The following TSPOAP1 variants were observed in gnomAD, a reference collection of about 807,000 sequenced individuals.
TSPOAP1 encodes the protein peripheral-type benzodiazepine receptor-associated protein 1.
Under a neutral mutation model 197.0 loss-of-function variants are expected in TSPOAP1, and 87 were observed. The ratio of observed to expected loss-of-function variants is 0.44; its 90% CI spans 0.37 to 0.53. TSPOAP1 has a LOEUF of 0.53. Ranked by LOEUF, TSPOAP1 falls within the 20% of genes least tolerant of loss-of-function variation. The probability of loss-of-function intolerance (pLI) is 0.00; values close to 1 mark genes in which losing one functional copy is unlikely to be tolerated. For missense variants in TSPOAP1, 2,174 were observed against 2,411.3 expected (o/e 0.90, Z 2.06); for synonymous variants, 913 against 998.9 (o/e 0.91, Z 1.62).
At position 58,322,433 on chromosome 17, in the gene TSPOAP1, C is replaced by A. The variant is rs1247137399; in HGVS notation, c.1318-21G>T. ...ATGTGCTGAAACACAAGATCTGAGT[C>A]AAGGCCAGAGCCCCTACTTGGCCAT... is the stretch of plus-strand genomic sequence containing the variant. On this transcript the variant is annotated intron_variant, in intron 9 of 31. Transcript: ENST00000343736. The surrounding 1 kb of genome is among the most constrained non-coding windows in gnomAD (Gnocchi z 5.0). The A allele has an allele frequency of 1.9e-6, 3 of 1,604,078 alleles. No homozygotes were observed. The South Asian group carries it at 3.3e-5, about 18-fold the overall frequency.
intron 29 of TSPOAP1, 87 bp from the exon 30 acceptor site, chr17:58,305,258 G>A (rs759915316): frequency 6.7e-7 from 1 of 1,486,416 alleles, no homozygotes; most frequent in Admixed American, 1.7e-5. Context: ...GAACAGCTGG[G>A]GCCAAAACCA....
At chr17:58,314,046 G>A (rs528280991) in intron 16 of TSPOAP1, among the ~76,000 whole-genome samples, 87 of 152,334 alleles carry the variant, frequency 5.7e-4, no homozygotes, top group Non-Finnish European at 6.9e-4. Context: ...CAGACAGCTG[G>A]TAGCTGGTGT....
Position 58,306,327 on chromosome 17 carries a change from T to G in TSPOAP1, c.5224+15A>C. On this transcript the variant is annotated intron_variant, in intron 26 of 31. Coordinates refer to ENST00000343736, the MANE Select transcript of TSPOAP1 (RefSeq NM_004758.4). ...CATCCTCCCAGCACCTGAGAGAGAA[T>G]GGGGTCTTACCCACCTTTCTTGGAG... 6.4e-6 allele frequency: 10 copies of G among 1,550,980 alleles called. No homozygotes were observed. Among genetic ancestry groups the G allele is most frequent in the Non-Finnish European group, 8.7e-6 (10 of 1,146,140 alleles).
chr17:58,327,505 C>T (rs1971675938), intron 1 of TSPOAP1, 83 bp downstream of exon 1: 4 of 1,446,016 alleles, frequency 2.8e-6, no homozygotes, highest in African/African-American at 1.4e-5. Flanking sequence ...GGGATGCATA[C>T]CTCGCCTCAC....
At chr17:58,315,104 T>C (rs1050609393) in intron 16 of TSPOAP1, among the ~76,000 whole-genome samples, 1 of 152,212 alleles carries the variant, frequency 6.6e-6, no homozygotes, top group African/African-American at 2.4e-5. Context: ...AAGTATTATT[T>C]TCCTGAAAGC....
intron 14 of TSPOAP1, among the ~76,000 whole-genome samples, chr17:58,317,496 G>T (rs113238887): frequency 0.028 from 4,207 of 152,266 alleles, 212 homozygotes; most frequent in African/African-American, 0.095. Flanking sequence ...GCCAATGCCT[G>T]GGAGAAGGGG....
At chr17:58,319,411 G>T in intron 12 of TSPOAP1, 117 bp from the exon 13 acceptor site, 1 of 1,183,136 alleles carries the variant, frequency 8.5e-7, no homozygotes, top group Non-Finnish European at 1.2e-6. Flanking sequence ...CCCAGCCCCA[G>T]GCCTGGGCAC....
At chr17:58,305,959 G>A (rs1970876693) in intron 26 of TSPOAP1, 94 bp from the exon 27 acceptor site, 1 of 1,467,894 alleles carries the variant, frequency 6.8e-7, no homozygotes, top group Admixed American at 1.8e-5. Context: ...CACACACAAG[G>A]AGGCAGGCAA....
In TSPOAP1 at chr17:58,322,121, T is replaced by C; in HGVS notation, c.1422+187A>G. 1 of 607,556 alleles carries C rather than the reference T, an allele frequency of 1.6e-6. No individual in the cohort carries two copies. Among genetic ancestry groups the C allele is most frequent in the Non-Finnish European group, 2.9e-6 (1 of 345,126 alleles). The allele number at this position is 607,556 out of a possible 1,614,324, so 37.6% of individuals were successfully genotyped here. On this transcript the variant is annotated intron_variant, in intron 10 of 31. Coordinates refer to ENST00000343736, the MANE Select transcript of TSPOAP1 (RefSeq NM_004758.4). This position sits in a 1 kb window ranked among gnomAD's most constrained non-coding sequence, Gnocchi z 5.0. ...ACCCTGTTCTTCTCCACCACTGTGC[T>C]CATCAGTGTCTGAAATCAGCTCACT...
At chr17:58,316,562 T>C (rs1434988736) in intron 14 of TSPOAP1, 22 bp from the exon 15 acceptor site, 1 of 1,587,364 alleles carries the variant, frequency 6.3e-7, no homozygotes, top group Non-Finnish European at 8.6e-7. Context: ...CAGAAAGGGC[T>C]GGTTTCTCTT....
In TSPOAP1 at chr17:58,305,546, G is replaced by C; in HGVS notation, c.5355C>G (p.Asp1785Glu). ...TCTATCTGAGGGTCCTCACCTCCACGTCCATATTGGGGGAACTCTCCTGGG... is the reference window on the plus strand; with the variant it reads ...TCTATCTGAGGGTCCTCACCTCCACCTCCATATTGGGGGAACTCTCCTGGG... The part of the protein sequence containing the change: ...YNPQESSPNM[D>E]VEAELPFRAG... The change falls in exon 28 of 32, where the codon GAC becomes GAG. Residue 1785 changes from aspartate (D) to glutamate (E), a missense_variant. Physicochemically the swap from Asp to Glu is conservative, Grantham distance 45 (BLOSUM62 2). Transcript: ENST00000343736. The C allele has an allele frequency of 6.2e-7, 1 of 1,604,822 alleles. No homozygotes were observed. Among genetic ancestry groups the C allele is most frequent in the East Asian group, 2.2e-5 (1 of 44,838 alleles).
chr17:58,302,982 G>A (rs1336822683), intron 31 of TSPOAP1: 1 of 152,414 alleles, frequency 6.6e-6, no homozygotes, highest in African/African-American at 2.4e-5. Flanking sequence ...ACTCCATGGG[G>A]AGGAAGATTG....
At position 58,322,186 on chromosome 17, in the gene TSPOAP1, T is replaced by G; in HGVS notation, c.1422+122A>C. ...TGCTGACTGCTCAGGGACCTGGTCT[T>G]TGTTCCCCACAGTCTCCCCGACGCC... On this transcript the variant is annotated intron_variant, in intron 10 of 31. Coordinates refer to ENST00000343736, the MANE Select transcript of TSPOAP1 (RefSeq NM_004758.4). This position sits in a 1 kb window ranked among gnomAD's most constrained non-coding sequence, Gnocchi z 5.0. 1 of 985,342 alleles carries G rather than the reference T, an allele frequency of 1.0e-6. No homozygotes were observed. Among genetic ancestry groups the G allele is most frequent in the Non-Finnish European group, 1.5e-6 (1 of 661,896 alleles). The allele number at this position is 985,342 out of a possible 1,614,324, so 61.0% of individuals were successfully genotyped here. A position where few individuals can be genotyped will look rare whatever the true frequency, so the allele number is the denominator to read the frequency against.
In TSPOAP1 at chr17:58,319,270, G is replaced by C. The variant is rs766772779; in HGVS notation, c.1519C>G (p.Gln507Glu). 2.0e-5 allele frequency: 32 copies of C among 1,592,164 alleles called. No homozygotes were observed. The highest frequency in any genetic ancestry group is 2.7e-5 in the Non-Finnish European group (31 of 1,169,476). The change falls in exon 13 of 32, where the codon CAG becomes GAG. Residue 507 changes from glutamine to glutamate, a missense_variant. Gln to Glu is a conservative substitution (Grantham distance 29). Transcript: ENST00000343736. ...MQARVRELEE[Q>E]CRSQTEQFSL... The stretch of plus-strand genomic sequence containing the variant: ...AACTGCTCGGTTTGGCTGCGGCACT[G>C]TTCTTCGAGCTCTCGAACCCGGGCC...
Position 58,305,661 on chromosome 17 carries a change from G to A in TSPOAP1, c.5258-18C>T. ...AGGGGGGCCTGCAGGGGGAGTAGGAGAAGACTCTGGACTCTCTGGAGAGCC... is the reference window on the plus strand; with the variant it reads ...AGGGGGGCCTGCAGGGGGAGTAGGAAAAGACTCTGGACTCTCTGGAGAGCC... On this transcript the variant is annotated intron_variant, in intron 27 of 31. Transcript: ENST00000343736. 7.1e-7 allele frequency: 1 copy of A among 1,402,122 alleles called. No homozygotes were observed. Among genetic ancestry groups the A allele is most frequent in the Non-Finnish European group, 9.8e-7 (1 of 1,022,210 alleles). The allele number at this position is 1,402,122 out of a possible 1,614,324, so 86.9% of individuals were successfully genotyped here. A position where few individuals can be genotyped will look rare whatever the true frequency, so the allele number is the denominator to read the frequency against.
At position 58,304,115 on chromosome 17, in the gene TSPOAP1, C is replaced by G. The variant is rs932741358; in HGVS notation, c.*32+223G>C. ...TCACACACTAAGATGACATGTAATC[C>G]TATGACAGCTGGCACTGCCCTGGGT... On this transcript the variant is annotated intron_variant, in intron 31 of 31. Transcript: ENST00000343736. The surrounding 1 kb of genome is among the most constrained non-coding windows in gnomAD (Gnocchi z 4.2). The G allele has an allele frequency of 3.7e-6, 2 of 542,176 alleles. No individual in the cohort carries two copies. Among genetic ancestry groups the G allele is most frequent in the Non-Finnish European group, 6.6e-6 (2 of 301,114 alleles). 33.6% of individuals were successfully genotyped at this position (542,176 alleles called of 1,614,324 possible).
In TSPOAP1 at chr17:58,312,680, A is replaced by C. The variant is rs777926384; in HGVS notation, c.2141T>G (p.Phe714Cys). Reference protein sequence around the residue: ...DGRRGLVPSNFVERVSDDDLL... With the variant: ...DGRRGLVPSNCVERVSDDDLL... ...GTCATCATCCGACACACGCTCTACA[A>C]AATTGGAAGGGACCAGGCCCCTTCG... Residue 714 changes from phenylalanine to cysteine, a missense_variant, in exon 17 of 32, where the codon TTT becomes TGT. This residue lies in a region of TSPOAP1 where 1,933 missense variants were observed against 2,139.0 expected (regional missense o/e 0.90). Transcript: ENST00000343736. The C allele has an allele frequency of 1.2e-6, 2 of 1,613,650 alleles. No homozygotes were observed. The highest frequency in any genetic ancestry group is 1.1e-5 in the South Asian group (1 of 91,076).
In TSPOAP1 at chr17:58,307,929, C is replaced by T. The variant is rs775007111; in HGVS notation, c.4744G>A (p.Gly1582Arg). ...KEPLSRATET[G>R]EARGQDGSGR... ...GAGCCGTCCTGCCCTCTGGCCTCTC[C>T]GGTCTCTGTTGCCTGCAAAAAGAGG... Residue 1582 changes from glycine (G) to arginine (R), a missense_variant, in exon 23 of 32, where the codon GGA (glycine) becomes AGA (arginine). Gly to Arg is a moderately radical substitution (Grantham distance 125). Transcript: ENST00000343736. 44 of 1,612,058 alleles carry T rather than the reference C, an allele frequency of 2.7e-5. No individual in the cohort carries two copies. The highest frequency in any genetic ancestry group is 6.7e-5 in the African/African-American group (5 of 74,914).
chr17:58,306,249 C>T, intron 26 of TSPOAP1, 93 bp downstream of exon 26: 1 of 1,292,760 alleles, frequency 7.7e-7, no homozygotes. Flanking sequence ...CACACATCCT[C>T]CCAGCACCTG....
Sources: gnomAD v4.1 joint callset for allele counts (sites outside exome capture counted in the v4.1 genomes callset) on GRCh38, gnomAD v4.1.1 for gene constraint, gnomAD v4.1.1 regional missense constraint, Gnocchi (gnomAD v3.1) non-coding constraint, MANE v1.5 for transcripts, NCBI Gene and HGNC (gene_info 2026-07-23, HGNC 2026-07-21) for gene names.